CCSER1: variants seen among roughly 807,000 people sequenced by gnomAD.
The protein encoded by CCSER1 is serine-rich coiled-coil domain-containing protein 1.
A neutral mutation model predicts 82.0 loss-of-function variants in CCSER1; 41 were observed. The observed-to-expected ratio is 0.50, with a 90% CI of 0.39 to 0.65. CCSER1 has a LOEUF of 0.65. Ranked by LOEUF, CCSER1 falls within the 30% of genes least tolerant of loss-of-function variation. CCSER1 has a pLI of 0.00. For missense variants in CCSER1, 1,119 were observed against 1,064.2 expected, an observed-to-expected ratio of 1.05 and a Z score of -0.72; for synonymous variants, 414 against 383.9, an observed-to-expected ratio of 1.08 and a Z score of -0.92.
chr4:90,952,861 T>A (rs892349455), intron 9 of CCSER1, among the ~76,000 whole-genome samples: 1 of 152,036 alleles, frequency 6.6e-6, no homozygotes. Context: ...AAGATTCTAT[T>A]TCCTGTATTC....
At chr4:91,224,369 C>T (rs1737989538) in intron 10 of CCSER1, among the ~76,000 whole-genome samples, 1 of 152,058 alleles carries the variant, frequency 6.6e-6, no homozygotes, top group Non-Finnish European at 1.5e-5. Context: ...GTTTAATGTT[C>T]ATTCTTTAAG....
chr4:90,184,207 G>T (rs994985180), intron 1 of CCSER1, among the ~76,000 whole-genome samples: 3 of 152,044 alleles, frequency 2.0e-5, no homozygotes, highest in Non-Finnish European at 4.4e-5. Context: ...TCATGTTACA[G>T]AGTAGACAAC....
At position 91,601,957 on chromosome 4, in the gene CCSER1, A is replaced by G. The variant is rs1342990336; in HGVS notation, c.*2900A>G. The G allele has an allele frequency of 6.6e-6, 1 of 152,056 alleles. No homozygotes were observed. Among genetic ancestry groups the G allele is most frequent in the Non-Finnish European group, 1.5e-5 (1 of 67,952 alleles). The allele number at this position is 152,056 out of a possible 1,614,324, so 9.4% of individuals were successfully genotyped here. A position where few individuals can be genotyped will look rare whatever the true frequency, so the allele number is the denominator to read the frequency against. On this transcript the variant is annotated 3_prime_UTR_variant, in exon 11 of 11. Coordinates refer to ENST00000509176, the MANE Select transcript of CCSER1 (RefSeq NM_001145065.2). ...TTTTTTTCCATAAAATTATATGCTA[A>G]GAGAGTCACCACAAAACTATGAATT...
chr4:90,538,110 C>T (rs1775641657), intron 5 of CCSER1, among the ~76,000 whole-genome samples: 1 of 152,034 alleles, frequency 6.6e-6, no homozygotes, highest in Non-Finnish European at 1.5e-5. Flanking sequence ...TCTTTTCATT[C>T]TTTTCAGATA....
chr4:90,695,479 C>A (rs1736839001), intron 6 of CCSER1, among the ~76,000 whole-genome samples: 1 of 151,966 alleles, frequency 6.6e-6, no homozygotes, highest in South Asian at 2.1e-4. Context: ...TATTACTTTA[C>A]TCTTTGGGTA....
intron 5 of CCSER1, among the ~76,000 whole-genome samples, chr4:90,510,685 G>A (rs578153933): frequency 1.3e-5 from 2 of 152,326 alleles, no homozygotes; most frequent in African/African-American, 4.8e-5. Flanking sequence ...CTTGAGCTGT[G>A]TGCTGCTGCC....
At chr4:90,206,853 T>A (rs1436010001) in intron 1 of CCSER1, among the ~76,000 whole-genome samples, 1 of 151,750 alleles carries the variant, frequency 6.6e-6, no homozygotes, top group African/African-American at 2.4e-5. Flanking sequence ...GCTTTTTGAA[T>A]CTGGGTGCTC....
At chr4:90,441,234 A>G (rs948319911) in intron 4 of CCSER1, among the ~76,000 whole-genome samples, 1 of 152,062 alleles carries the variant, frequency 6.6e-6, no homozygotes, top group Non-Finnish European at 1.5e-5. Flanking sequence ...CTTGTGTTAA[A>G]CTTCCCCAAA....
chr4:91,574,242 C>T (rs968915943), intron 10 of CCSER1, among the ~76,000 whole-genome samples: 33 of 111,210 alleles, frequency 3.0e-4, no homozygotes, highest in African/African-American at 1.1e-3. Flanking sequence ...AAAACAGATG[C>T]TACTGAGGTT....
intron 7 of CCSER1, among the ~76,000 whole-genome samples, chr4:90,775,462 G>C (rs2149584916): frequency 6.6e-6 from 1 of 152,216 alleles, no homozygotes; most frequent in East Asian, 1.9e-4. Flanking sequence ...GACGATTTTT[G>C]AACTACAAAT....
chr4:90,290,697 A>G (rs1440285487), intron 1 of CCSER1, among the ~76,000 whole-genome samples: 1 of 151,900 alleles, frequency 6.6e-6, no homozygotes, highest in Non-Finnish European at 1.5e-5. Context: ...TGTGGAATTA[A>G]TATTTTCTGT....
At chr4:90,352,756 T>C (rs922417103) in intron 3 of CCSER1, among the ~76,000 whole-genome samples, 2 of 152,126 alleles carry the variant, frequency 1.3e-5, no homozygotes, top group African/African-American at 4.8e-5. Context: ...ATTGAATAAC[T>C]GTTTTTCCTG....
intron 10 of CCSER1, among the ~76,000 whole-genome samples, chr4:91,275,392 G>A (rs1034975071): frequency 7.3e-5 from 11 of 151,510 alleles, no homozygotes; most frequent in African/African-American, 2.2e-4. Context: ...ATTTCAATTT[G>A]TTTTTGATTT....
At chr4:90,391,986 T>A (rs982123739) in intron 3 of CCSER1, among the ~76,000 whole-genome samples, 1 of 152,076 alleles carries the variant, frequency 6.6e-6, no homozygotes, top group African/African-American at 2.4e-5. Context: ...TAAGTATTGC[T>A]TTATTGACCG....
chr4:91,184,361 G>C (rs1008997657), intron 10 of CCSER1, among the ~76,000 whole-genome samples: 5 of 152,182 alleles, frequency 3.3e-5, no homozygotes, highest in Non-Finnish European at 7.3e-5. Context: ...TCAGCTAAAG[G>C]GGTAGTAAAG....
At chr4:91,405,348 TA>T (rs1398301288) in intron 10 of CCSER1, among the ~76,000 whole-genome samples, 8 of 151,956 alleles carry the variant, frequency 5.3e-5, no homozygotes, top group African/African-American at 1.7e-4. Flanking sequence ...CCTAAAACCA[TA>T]AAAACCCTAG....
chr4:90,469,240 A>C (rs984214139), intron 5 of CCSER1, among the ~76,000 whole-genome samples: 1 of 152,062 alleles, frequency 6.6e-6, no homozygotes, highest in African/African-American at 2.4e-5. Context: ...TAAGCTCTTA[A>C]GGCATAATTG....
At chr4:90,784,216 C>G (rs1244008484) in intron 7 of CCSER1, among the ~76,000 whole-genome samples, 1 of 152,112 alleles carries the variant, frequency 6.6e-6, no homozygotes, top group African/African-American at 2.4e-5. Flanking sequence ...CATACTGTTC[C>G]TCGTTTCATA....
At chr4:90,933,281 G>A (rs889130409) in intron 9 of CCSER1, among the ~76,000 whole-genome samples, 5 of 150,868 alleles carry the variant, frequency 3.3e-5, no homozygotes, top group African/African-American at 9.8e-5. Context: ...TCCACCTCCC[G>A]GGTTCACCGC....
Sources: allele counts gnomAD v4.1 joint callset (sites outside exome capture counted in the v4.1 genomes callset), GRCh38; gene constraint gnomAD v4.1.1; transcripts MANE v1.5; gene names NCBI Gene and HGNC (gene_info 2026-07-23, HGNC 2026-07-21).